The following USH2A variants were observed in gnomAD, a reference collection of about 807,000 sequenced individuals.
USH2A encodes the protein Usher syndrome 2A (autosomal recessive, mild).
USH2A carries 443 observed loss-of-function variants against 538.9 expected under a neutral mutation model. The observed-to-expected ratio is 0.82, with a 90% CI of 0.76 to 0.89. The LOEUF is 0.89. USH2A is among the 40% of genes least tolerant of loss of function. The pLI, the probability that USH2A is intolerant of heterozygous loss-of-function variation, is 0.00. For synonymous variants in USH2A, 2,413 were observed against 2,273.5 expected (o/e 1.06, Z -1.75); for missense variants, 6,633 against 6,324.8 (o/e 1.05, Z -1.65).
intron 56 of USH2A, among the ~76,000 whole-genome samples, chr1:215,760,079 T>C (rs988309718): frequency 3.3e-5 from 5 of 152,234 alleles, no homozygotes; most frequent in African/African-American, 1.2e-4. Flanking sequence ...ATAATTTCTC[T>C]GCCTTGGTTG....
chr1:215,955,246 A>G (rs761621713), intron 37 of USH2A, among the ~76,000 whole-genome samples: 10 of 152,190 alleles, frequency 6.6e-5, no homozygotes, highest in Non-Finnish European at 1.3e-4. Context: ...AGATGTTGAA[A>G]GCATAGTGAT....
chr1:215,630,524 A>G (rs1436455269), intron 70 of USH2A, among the ~76,000 whole-genome samples: 31 of 124,430 alleles, frequency 2.5e-4, no homozygotes, highest in African/African-American at 8.8e-4. Flanking sequence ...ATATATATAT[A>G]TATGAGAGAG....
At chr1:215,781,030 ATT>A (rs1661620044) in intron 54 of USH2A, among the ~76,000 whole-genome samples, 1 of 151,848 alleles carries the variant, frequency 6.6e-6, no homozygotes, top group Admixed American at 6.6e-5. Flanking sequence ...CCCTTTCTTT[ATT>A]TTACTCCCAC....
chr1:216,092,673 T>C (rs1431714072), intron 22 of USH2A, among the ~76,000 whole-genome samples: 2 of 152,162 alleles, frequency 1.3e-5, no homozygotes, highest in South Asian at 2.1e-4. Flanking sequence ...TTTTAGAGTA[T>C]AAATTCATTG....
At chr1:216,074,540 T>C (rs2031684687) in intron 27 of USH2A, among the ~76,000 whole-genome samples, 1 of 152,194 alleles carries the variant, frequency 6.6e-6, no homozygotes, top group African/African-American at 2.4e-5. Flanking sequence ...TCTAACACAT[T>C]AAGTTGCAGC....
Position 215,841,857 on chromosome 1 carries a change from A to C in USH2A, c.9258+2437T>G, listed in dbSNP as rs555281589. On this transcript the variant is annotated intron_variant, in intron 46 of 71. Coordinates refer to ENST00000307340, the MANE Select transcript of USH2A (RefSeq NM_206933.4). ...CTTAAACAAATTTGCAAGAAAAAAC[A>C]ACCCCATCAAAAAAAATGGGCAAAG... 7.2e-5 allele frequency among the ~76,000 whole-genome samples: 11 copies of C among 152,252 alleles called. No homozygotes were observed. In the East Asian group the frequency reaches 2.1e-3, roughly 29 times the overall value.
chr1:215,919,432 C>G (rs919842837), intron 38 of USH2A, among the ~76,000 whole-genome samples: 2 of 152,014 alleles, frequency 1.3e-5, no homozygotes, highest in Non-Finnish European at 2.9e-5. Flanking sequence ...AAAGCAGACT[C>G]TGATTGTATA....
chr1:215,899,570 C>T (rs890989521), intron 40 of USH2A, among the ~76,000 whole-genome samples: 1 of 152,184 alleles, frequency 6.6e-6, no homozygotes, highest in African/African-American at 2.4e-5. Context: ...TCTTAATCCA[C>T]CTTTTGTAAT....
intron 4 of USH2A, among the ~76,000 whole-genome samples, chr1:216,361,342 G>C (rs886822302): frequency 3.3e-5 from 5 of 152,032 alleles, no homozygotes; most frequent in Non-Finnish European, 7.4e-5. Context: ...CGTGATATCA[G>C]GGTTTGCAAA....
At chr1:215,938,241 C>T (rs1022136811) in intron 37 of USH2A, among the ~76,000 whole-genome samples, 1 of 152,082 alleles carries the variant, frequency 6.6e-6, no homozygotes, top group Non-Finnish European at 1.5e-5. Context: ...ACATACAGTT[C>T]AATTCACAGA....
chr1:216,336,716 G>GT (rs1286173710), intron 4 of USH2A, among the ~76,000 whole-genome samples: 2 of 151,368 alleles, frequency 1.3e-5, no homozygotes. Context: ...GATATCTTAT[G>GT]TTTTTTAAAG....
intron 32 of USH2A, among the ~76,000 whole-genome samples, chr1:216,006,316 T>C (rs1024806390): frequency 2.6e-5 from 4 of 152,194 alleles, no homozygotes; most frequent in African/African-American, 9.7e-5. Context: ...ATCACTCCTA[T>C]GCCGCTACAC....
intron 23 of USH2A, 80 bp from the exon 24 acceptor site, chr1:216,086,900 C>T (rs2032152739): frequency 3.5e-6 from 4 of 1,127,356 alleles, no homozygotes; most frequent in Admixed American, 3.7e-5. Context: ...AAATCCTTCA[C>T]CAGCCTTTGG....
chr1:216,207,375 G>A lies in USH2A; in HGVS notation c.3214C>T (p.Leu1072Phe). 6.2e-7 allele frequency: 1 copy of A among 1,614,016 alleles called. No individual in the cohort carries two copies. The highest frequency in any genetic ancestry group is 1.1e-5 in the South Asian group (1 of 91,090). ...GGAGAATCAGGTGGACTCCAGGAGA[G>A]ATTGATAGCAGAAGAACTTTGAACT... Reference protein sequence around the residue: ...GQVQSSSAINLSWSPPDSPNA... With the variant: ...GQVQSSSAINFSWSPPDSPNA... The change falls in exon 16 of 72, where the codon CTC (leucine) becomes TTC (phenylalanine). Residue 1072 changes from leucine (L) to phenylalanine (F), a missense_variant. By Grantham distance (22) the Leu-to-Phe change is conservative (BLOSUM62 0). Coordinates refer to ENST00000307340, the MANE Select transcript of USH2A (RefSeq NM_206933.4).
chr1:215,627,425 C>CTTCCTTCCTTCCTTCTTTCCTTCCTTCT (rs1656078812), intron 71 of USH2A, among the ~76,000 whole-genome samples: 32 of 105,914 alleles, frequency 3.0e-4, no homozygotes, highest in Admixed American at 4.7e-4. Flanking sequence ...TCCTTCCTTC[C>CTTCCTTCCTTCCTTCTTTCCTTCCTTCT]TTCCTTCCTT....
chr1:216,416,959 A>G (rs1292028657), intron 3 of USH2A, among the ~76,000 whole-genome samples: 2 of 152,148 alleles, frequency 1.3e-5, no homozygotes, highest in Non-Finnish European at 2.9e-5. Context: ...AGGACTGGTC[A>G]GTGGGCAGAA....
At chr1:216,401,929 A>G (rs2039312404) in intron 3 of USH2A, among the ~76,000 whole-genome samples, 2 of 152,142 alleles carry the variant, frequency 1.3e-5, no homozygotes, top group Admixed American at 6.5e-5. Context: ...TCACTCAAGA[A>G]AAGTATACAA....
At chr1:215,643,539 T>TTC (rs1553249724) in intron 67 of USH2A, among the ~76,000 whole-genome samples, 59 of 151,404 alleles carry the variant, frequency 3.9e-4, no homozygotes, top group African/African-American at 1.4e-3. Flanking sequence ...TTTTTTTTTT[T>TTC]CTTAAAGACC....
chr1:215,882,633 G>A (rs1477413182), intron 41 of USH2A, among the ~76,000 whole-genome samples: 1 of 151,918 alleles, frequency 6.6e-6, no homozygotes, highest in Non-Finnish European at 1.5e-5. Context: ...TTGTATGCTC[G>A]TACAAGCAAA....
Sources: allele counts gnomAD v4.1 joint callset (sites outside exome capture counted in the v4.1 genomes callset), GRCh38; gene constraint gnomAD v4.1.1; transcripts MANE v1.5; gene names NCBI Gene and HGNC (gene_info 2026-07-23, HGNC 2026-07-21).